Variants in ITPR2 observed in about 807,000 individuals in gnomAD.
The protein encoded by ITPR2 is inositol 1,4,5-trisphosphate receptor type 2.
Under a neutral mutation model 317.1 loss-of-function variants are expected in ITPR2, and 207 were observed. That is an observed-to-expected ratio of 0.65 (90% confidence interval 0.58 to 0.73). ITPR2 has a LOEUF of 0.73. Ranked by LOEUF, ITPR2 falls within the 30% of genes least tolerant of loss-of-function variation. ITPR2 has a pLI of 0.00. For synonymous variants in ITPR2, 1,156 were observed against 1,149.1 expected, an observed-to-expected ratio of 1.01 and a Z score of -0.12; for missense variants, 2,613 against 3,284.0, an observed-to-expected ratio of 0.80 and a Z score of 4.99.
At chr12:26,697,047 G>A (rs931034396) in intron 9 of ITPR2, among the ~76,000 whole-genome samples, 1 of 152,188 alleles carries the variant, frequency 6.6e-6, no homozygotes, top group Non-Finnish European at 1.5e-5. Flanking sequence ...TGATGATGCA[G>A]AAATAGCAAA....
At chr12:26,811,822 C>G (rs1950755848) in intron 1 of ITPR2, among the ~76,000 whole-genome samples, 1 of 147,158 alleles carries the variant, frequency 6.8e-6, no homozygotes, top group Admixed American at 6.8e-5. Context: ...CCACTGCACT[C>G]CAGCCTGGGC....
rs1948736959 is a variant in ITPR2 at position 26,716,188 on chromosome 12, G to A, written c.580C>T (p.His194Tyr). 2 of 1,613,378 alleles carry A rather than the reference G, an allele frequency of 1.2e-6. No homozygotes were observed. The highest frequency in any genetic ancestry group is 1.7e-6 in the Non-Finnish European group (2 of 1,179,498). Residue 194 changes from histidine (H) to tyrosine (Y), a missense_variant, in exon 6 of 57, where the codon CAT becomes TAT. Physicochemically the swap from His to Tyr is moderately conservative, Grantham distance 83. Coordinates refer to ENST00000381340, the MANE Select transcript of ITPR2 (RefSeq NM_002223.4). The stretch of plus-strand genomic sequence containing the variant: ...TCAAGAAGCTCTATGTTGCTGGCAT[G>A]TAGTGGCTGCCCTGCATTCACAGGC... ...LMPVNAGQPL[H>Y]ASNIELLDNP...
chr12:26,513,459 C>T (rs1484667874), intron 37 of ITPR2, among the ~76,000 whole-genome samples: 2 of 151,966 alleles, frequency 1.3e-5, no homozygotes, highest in Admixed American at 1.3e-4. Flanking sequence ...TAATATAGGC[C>T]AGTTTGGGTC....
intron 28 of ITPR2, among the ~76,000 whole-genome samples, chr12:26,601,043 C>T (rs1945988262): frequency 1.3e-5 from 2 of 152,108 alleles, no homozygotes; most frequent in South Asian, 4.1e-4. Context: ...TACTAAGCTA[C>T]TATCATTTGA....
chr12:26,427,970 G>A lies in ITPR2; in HGVS notation c.6888C>T (p.Leu2296=). ...CAAGACCTATTGTATATATTGATCT[G>A]AGCATTATTGATACAAGAAACGGCC... is the stretch of plus-strand genomic sequence containing the variant. The part of the protein sequence containing the change: ...GIRPFLVSIM[L]RSIYTIGLGP... Residue 2296 remains leucine (L), a synonymous_variant, in exon 49 of 57, where the codon CTC becomes CTT. Coordinates refer to ENST00000381340, the MANE Select transcript of ITPR2 (RefSeq NM_002223.4). The A allele has an allele frequency of 3.1e-6, 5 of 1,612,812 alleles. No homozygotes were observed. The highest frequency in any genetic ancestry group is 1.1e-5 in the South Asian group (1 of 90,926).
At chr12:26,582,900 A>G (rs1945437571) in intron 32 of ITPR2, among the ~76,000 whole-genome samples, 1 of 152,168 alleles carries the variant, frequency 6.6e-6, no homozygotes, top group Admixed American at 6.6e-5. Context: ...TACAGAGTGG[A>G]AGAGAAAGAA....
intron 48 of ITPR2, among the ~76,000 whole-genome samples, chr12:26,432,316 G>T (rs1941233103): frequency 6.6e-6 from 1 of 152,126 alleles, no homozygotes; most frequent in Non-Finnish European, 1.5e-5. Flanking sequence ...GGCCAATTAT[G>T]TTGTAGTATA....
intron 37 of ITPR2, among the ~76,000 whole-genome samples, chr12:26,508,721 G>A (rs189864019): frequency 1.3e-5 from 2 of 152,072 alleles, no homozygotes; most frequent in Admixed American, 1.3e-4. Context: ...AGTGATCTGG[G>A]GACACGGAAA....
intron 45 of ITPR2, among the ~76,000 whole-genome samples, chr12:26,451,255 C>T (rs149527184): frequency 2.6e-4 from 40 of 152,140 alleles, no homozygotes; most frequent in African/African-American, 9.4e-4. Context: ...AGAGACAACA[C>T]AGACTCTTGA....
intron 55 of ITPR2, among the ~76,000 whole-genome samples, chr12:26,351,494 G>C (rs1198795620): frequency 1.3e-5 from 2 of 152,204 alleles, no homozygotes; most frequent in Non-Finnish European, 2.9e-5. Flanking sequence ...TTTGGCATCA[G>C]AAGAGACAAA....
chr12:26,510,006 T>TGTGTGTGTGTGTGTGG (rs1206324971), intron 37 of ITPR2, among the ~76,000 whole-genome samples: 1 of 32,318 alleles, frequency 3.1e-5, no homozygotes, highest in Non-Finnish European at 5.7e-5. Flanking sequence ...GTGTGTGTGG[T>TGTGTGTGTGTGTGTGG]GGGGGGTGGG....
intron 49 of ITPR2, among the ~76,000 whole-genome samples, chr12:26,425,494 T>C (rs1222966296): frequency 7.9e-5 from 12 of 151,680 alleles, no homozygotes; most frequent in Non-Finnish European, 1.8e-4. Context: ...TGGTGAAACC[T>C]CATCTCCACT....
rs188693294 is a variant in ITPR2, at chr12:26,358,014, A to T, written c.7858-17686T>A. Among the ~76,000 whole-genome samples, 118 of 152,386 alleles carry T rather than the reference A, an allele frequency of 7.7e-4. 2 individuals carry two copies. The East Asian group carries it at 0.017, about 22-fold the overall frequency. ...GAGCTACAGAAGCTAGAATACACCC[A>T]GAAACCTGCAGCTATGTACATATTT... On this transcript the variant is annotated intron_variant, in intron 55 of 56. Transcript: ENST00000381340.
intron 45 of ITPR2, among the ~76,000 whole-genome samples, chr12:26,467,877 G>C (rs1157108253): frequency 1.3e-5 from 2 of 152,074 alleles, no homozygotes; most frequent in Non-Finnish European, 2.9e-5. Flanking sequence ...GTGCCTATTA[G>C]AGGATTTAAA....
At chr12:26,585,648 G>A (rs555722780) in intron 32 of ITPR2, among the ~76,000 whole-genome samples, 15 of 152,012 alleles carry the variant, frequency 9.9e-5, no homozygotes, top group African/African-American at 3.4e-4. Context: ...CAAGCAATCC[G>A]GCTGCCTCAG....
chr12:26,589,855 C>T lies in ITPR2; in HGVS notation c.4380+5610G>A, dbSNP rs144293990. ...AAACATATATATATATATATATATACACACACACACACACACACACACACA... is the reference window on the plus strand; with the variant it reads ...AAACATATATATATATATATATATATACACACACACACACACACACACACA... On this transcript the variant is annotated intron_variant, in intron 32 of 56. Transcript: ENST00000381340. Among the ~76,000 whole-genome samples the T allele has an allele frequency of 6.4e-3, 85 of 13,302 alleles. 1 individual carries two copies. Among genetic ancestry groups the T allele is most frequent in the African/African-American group, 8.5e-3 (50 of 5,878 alleles). The allele number at this position is 13,302 out of a possible 152,430, so 8.7% of individuals were successfully genotyped here.
chr12:26,560,171 T>C (rs1043267258), intron 35 of ITPR2, among the ~76,000 whole-genome samples: 2 of 152,178 alleles, frequency 1.3e-5, no homozygotes, highest in Admixed American at 6.5e-5. Flanking sequence ...GGCACTACTA[T>C]ATACCTCTCC....
intron 2 of ITPR2, among the ~76,000 whole-genome samples, chr12:26,741,774 A>G (rs111670234): frequency 9.5e-4 from 145 of 152,360 alleles, no homozygotes; most frequent in African/African-American, 2.6e-3. Context: ...TAGTCCCCTC[A>G]GAAACCCATA....
At chr12:26,572,672 G>C (rs954464805) in intron 34 of ITPR2, among the ~76,000 whole-genome samples, 2 of 152,182 alleles carry the variant, frequency 1.3e-5, no homozygotes, top group Non-Finnish European at 2.9e-5. Context: ...TGTAAGATAA[G>C]ATCTTGCAGT....
Sources: gnomAD v4.1 joint callset for allele counts (sites outside exome capture counted in the v4.1 genomes callset) on GRCh38, gnomAD v4.1.1 for gene constraint, MANE v1.5 for transcripts, NCBI Gene and HGNC (gene_info 2026-07-23, HGNC 2026-07-21) for gene names.